Variants in RAD51B observed in about 807,000 individuals in gnomAD.
RAD51B encodes the protein DNA repair protein RAD51 homolog 2.
RAD51B carries 38 observed loss-of-function variants against 42.2 expected under a neutral mutation model. The observed-to-expected ratio is 0.90, with a 90% CI of 0.70 to 1.18. RAD51B has a LOEUF of 1.18. Among genes scored for constraint, RAD51B ranks in the 50% most tolerant of loss-of-function variants. RAD51B has a pLI of 0.00. For missense variants in RAD51B, 373 were observed against 400.7 expected, an observed-to-expected ratio of 0.93 and a Z score of 0.59; for synonymous variants, 154 against 145.2, an observed-to-expected ratio of 1.06 and a Z score of -0.43.
intron 7 of RAD51B, among the ~76,000 whole-genome samples, chr14:67,888,427 T>C (rs1016898586): frequency 6.6e-6 from 1 of 152,046 alleles, no homozygotes; most frequent in African/African-American, 2.4e-5. Context: ...CAACTAAAGA[T>C]AGGAGATATT....
chr14:68,516,793 T>C lies in RAD51B; in HGVS notation c.1036+48543T>C, dbSNP rs112288784. On this transcript the variant is annotated intron_variant, in intron 10 of 10. Transcript: ENST00000487270. ...TGCTTCACTAAGTCATGCAGATTTT[T>C]CAAATTTGATATATTTCTTGATGAA... 2.6e-5 allele frequency among the ~76,000 whole-genome samples: 4 copies of C among 152,358 alleles called. 1 individual carries two copies. Among genetic ancestry groups the C allele is most frequent in the African/African-American group, 9.6e-5 (4 of 41,588 alleles).
At chr14:68,339,106 T>C in intron 8 of RAD51B, 1 of 690,842 alleles carries the variant, frequency 1.4e-6, no homozygotes, top group Non-Finnish European at 2.7e-6. Context: ...GTGGTGACCA[T>C]GTTAACTCCT....
At chr14:68,053,663 C>G (rs2076429384) in intron 7 of RAD51B, among the ~76,000 whole-genome samples, 1 of 152,184 alleles carries the variant, frequency 6.6e-6, no homozygotes, top group Non-Finnish European at 1.5e-5. Context: ...TCCTTGCATA[C>G]TGAAGTCAGA....
intron 7 of RAD51B, among the ~76,000 whole-genome samples, chr14:68,202,364 C>T (rs2079503660): frequency 6.6e-6 from 1 of 152,022 alleles, no homozygotes; most frequent in Non-Finnish European, 1.5e-5. Context: ...TGCTCTATAG[C>T]ATGTCATAAT....
At chr14:68,200,511 G>T (rs1027446519) in intron 7 of RAD51B, among the ~76,000 whole-genome samples, 1 of 152,158 alleles carries the variant, frequency 6.6e-6, no homozygotes, top group African/African-American at 2.4e-5. Context: ...ATATAATTTT[G>T]CAAATGTGTT....
chr14:67,899,209 A>G (rs888833870), intron 7 of RAD51B, among the ~76,000 whole-genome samples: 2 of 144,682 alleles, frequency 1.4e-5, no homozygotes, highest in Admixed American at 1.4e-4. Context: ...CGCCCGGCTA[A>G]TTTTTTTTTT....
intron 7 of RAD51B, among the ~76,000 whole-genome samples, chr14:68,174,793 A>C (rs1311704253): frequency 4.1e-4 from 62 of 152,290 alleles, no homozygotes; most frequent in Admixed American, 4.1e-3. Flanking sequence ...TTAAACTTGG[A>C]ATTAATTGAA....
chr14:68,225,477 T>C (rs867553941), intron 7 of RAD51B, among the ~76,000 whole-genome samples: 6 of 152,340 alleles, frequency 3.9e-5, no homozygotes, highest in African/African-American at 1.2e-4. Flanking sequence ...GCCTGTAGTT[T>C]TACAACCCAA....
chr14:67,886,939 A>G, intron 6 of RAD51B, 82 bp from the exon 7 acceptor site: 1 of 870,334 alleles, frequency 1.1e-6, no homozygotes, highest in Non-Finnish European at 1.7e-6. Flanking sequence ...TATTGTTTTT[A>G]AGTTGCTTAG....
At chr14:67,998,661 A>G (rs894283419) in intron 7 of RAD51B, among the ~76,000 whole-genome samples, 2 of 152,192 alleles carry the variant, frequency 1.3e-5, no homozygotes, top group African/African-American at 4.8e-5. Flanking sequence ...CTCTGGGCAG[A>G]TGGGAAAAGG....
intron 10 of RAD51B, among the ~76,000 whole-genome samples, chr14:68,650,424 T>G (rs1892676731): frequency 6.6e-6 from 1 of 152,206 alleles, no homozygotes; most frequent in African/African-American, 2.4e-5. Flanking sequence ...TGTGCTGGGT[T>G]TAATCACAGT....
chr14:68,246,319 T>C (rs1306383926), intron 7 of RAD51B, among the ~76,000 whole-genome samples: 2 of 151,968 alleles, frequency 1.3e-5, no homozygotes, highest in African/African-American at 4.8e-5. Flanking sequence ...AAAAAATCTT[T>C]TTGACAAAAA....
At chr14:68,449,540 A>G (rs538935821) in intron 9 of RAD51B, among the ~76,000 whole-genome samples, 1 of 152,278 alleles carries the variant, frequency 6.6e-6, no homozygotes, top group African/African-American at 2.4e-5. Flanking sequence ...ACCAAATAAA[A>G]AATCAAGTTC....
At chr14:68,004,203 G>A (rs1469879160) in intron 7 of RAD51B, among the ~76,000 whole-genome samples, 1 of 151,710 alleles carries the variant, frequency 6.6e-6, no homozygotes, top group Non-Finnish European at 1.5e-5. Context: ...TGTGGTGGCG[G>A]GTGCCTGTAG....
intron 8 of RAD51B, among the ~76,000 whole-genome samples, chr14:68,382,725 TG>T (rs2083505767): frequency 6.6e-6 from 1 of 152,208 alleles, no homozygotes; most frequent in Admixed American, 6.5e-5. Flanking sequence ...TTTCACTGAT[TG>T]GACCAGCACA....
intron 11 of RAD51B, among the ~76,000 whole-genome samples, chr14:68,666,549 AC>A (rs964344230): frequency 9.2e-5 from 14 of 152,146 alleles, no homozygotes; most frequent in African/African-American, 3.1e-4. Flanking sequence ...AAGAGGGTGA[AC>A]CCCAGGCAGG....
At chr14:68,660,748 T>G (rs746124533) in intron 11 of RAD51B, among the ~76,000 whole-genome samples, 1 of 152,202 alleles carries the variant, frequency 6.6e-6, no homozygotes, top group African/African-American at 2.4e-5. Flanking sequence ...AACTAGGCAA[T>G]GCTCCCAGAG....
At chr14:68,432,056 C>T (rs898377381) in intron 9 of RAD51B, among the ~76,000 whole-genome samples, 167 of 152,212 alleles carry the variant, frequency 1.1e-3, no homozygotes, top group Non-Finnish European at 1.9e-3. Flanking sequence ...TGTAGTTGAG[C>T]GGTTTTGAGT....
intron 10 of RAD51B, among the ~76,000 whole-genome samples, chr14:68,494,153 G>A (rs781087969): frequency 6.6e-6 from 1 of 152,066 alleles, no homozygotes; most frequent in Non-Finnish European, 1.5e-5. Context: ...GGTGGCACAT[G>A]CCTGTAATCC....
Sources: gnomAD v4.1 joint callset for allele counts (sites outside exome capture counted in the v4.1 genomes callset) on GRCh38, gnomAD v4.1.1 for gene constraint, MANE v1.5 for transcripts, NCBI Gene and HGNC (gene_info 2026-07-23, HGNC 2026-07-21) for gene names.